EBF3: variants seen among roughly 807,000 people sequenced by gnomAD.
EBF3 encodes EBF transcription factor 3, also known as transcription factor COE3.
A neutral mutation model predicts 77.1 loss-of-function variants in EBF3; 18 were observed. That is an observed-to-expected ratio of 0.23 (90% CI 0.16 to 0.35). The LOEUF is 0.35. EBF3 is among the 10% of genes least tolerant of loss of function. The pLI is 1.00. For missense variants in EBF3, 558 were observed against 860.0 expected, an observed-to-expected ratio of 0.65 and a Z score of 4.39; for synonymous variants, 350 against 343.5, an observed-to-expected ratio of 1.02 and a Z score of -0.21.
intron 7 of EBF3, among the ~76,000 whole-genome samples, chr10:129,877,443 T>TG (rs1341475392): frequency 7.5e-6 from 1 of 133,994 alleles, no homozygotes; most frequent in Non-Finnish European, 1.5e-5. Flanking sequence ...ATCGCACCAC[T>TG]GCACTCTAGC....
Position 129,843,854 on chromosome 10 carries a change from G to C in EBF3, c.1129-652C>G, listed in dbSNP as rs568743900. Among the ~76,000 whole-genome samples, 2 of 152,184 alleles carry C rather than the reference G, an allele frequency of 1.3e-5. 1 individual carries two copies. The highest frequency in any genetic ancestry group is 4.1e-4 in the South Asian group (2 of 4,828). On this transcript the variant is annotated intron_variant, in intron 11 of 16. Coordinates refer to ENST00000440978, the MANE Select transcript of EBF3 (RefSeq NM_001375380.1). Reference sequence around the variant, plus strand: ...GACTTCATAAATGCCTTCACATTCCGAGAGTGTGCGCGCTGTGCCTGGGGG... The same window carrying C: ...GACTTCATAAATGCCTTCACATTCCCAGAGTGTGCGCGCTGTGCCTGGGGG...
chr10:129,881,578 AT>A (rs1853215133), intron 6 of EBF3, among the ~76,000 whole-genome samples: 3 of 152,166 alleles, frequency 2.0e-5, no homozygotes, highest in African/African-American at 7.2e-5. Context: ...GTGTGATCTT[AT>A]TACTTTTGAA....
intron 10 of EBF3, among the ~76,000 whole-genome samples, chr10:129,852,669 T>C (rs1850974412): frequency 6.6e-6 from 1 of 152,182 alleles, no homozygotes; most frequent in Non-Finnish European, 1.5e-5. Context: ...TCAATTAAAT[T>C]AAGCAAGGGG....
intron 6 of EBF3, among the ~76,000 whole-genome samples, chr10:129,924,430 C>CAAAAAAAAAAAA (rs956215243): frequency 3.7e-5 from 4 of 108,446 alleles, no homozygotes; most frequent in African/African-American, 7.1e-5. Flanking sequence ...ACAACAACAA[C>CAAAAAAAAAAAA]AAAAAAAAAA....
At chr10:129,929,363 A>G (rs1415399630) in intron 6 of EBF3, among the ~76,000 whole-genome samples, 1 of 151,614 alleles carries the variant, frequency 6.6e-6, no homozygotes, top group South Asian at 2.1e-4. Flanking sequence ...TGCCACCCAC[A>G]CCCAGGTAAT....
Position 129,912,234 on chromosome 10 carries a change from G to C in EBF3, c.555-34385C>G, listed in dbSNP as rs146929986. Among the ~76,000 whole-genome samples the C allele has an allele frequency of 4.9e-4, 75 of 152,240 alleles. 1 individual carries two copies. In the East Asian group the frequency reaches 0.013, roughly 26 times the overall value. On this transcript the variant is annotated intron_variant, in intron 6 of 16. Coordinates refer to ENST00000440978, the MANE Select transcript of EBF3 (RefSeq NM_001375380.1). ...AGAGGGAGAGGCAAGCTGGACCCCG[G>C]AACCCTAGGAAGGGCCCTGCGGCTC...
In EBF3 at chr10:129,964,123, C is replaced by T. The variant is rs1438787410; in HGVS notation, c.-355G>A. The T allele has an allele frequency of 1.3e-5, 13 of 984,960 alleles. No homozygotes were observed. The highest frequency in any genetic ancestry group is 1.6e-5 in the Non-Finnish European group (13 of 829,828). The allele number at this position is 984,960 out of a possible 1,614,324, so 61.0% of individuals were successfully genotyped here. A position where few individuals can be genotyped will look rare whatever the true frequency, so the allele number is the denominator to read the frequency against. On this transcript the variant is annotated 5_prime_UTR_variant, in exon 1 of 17. Coordinates refer to ENST00000440978, the MANE Select transcript of EBF3 (RefSeq NM_001375380.1). This position sits in a 1 kb window ranked among gnomAD's most constrained non-coding sequence, Gnocchi z 4.5. ...CTGCAGGACACTGCGGGATCGCCCG[C>T]TTCTGGCGCGGCCCGCCTGCTCCAA...
At chr10:129,873,735 G>GA in intron 7 of EBF3, 139 bp from the exon 8 acceptor site, 1 of 940,218 alleles carries the variant, frequency 1.1e-6, no homozygotes, top group Non-Finnish European at 1.4e-6. Flanking sequence ...ATCGATGTGC[G>GA]TTCACAGCTT....
rs903157678 is a variant in EBF3 at position 129,842,466 on chromosome 10, A to C, written c.1195-173T>G. 8.5e-5 allele frequency among the ~76,000 whole-genome samples: 13 copies of C among 152,150 alleles called. No homozygotes were observed. The highest frequency in any genetic ancestry group is 3.1e-4 in the African/African-American group (13 of 41,446). ...AGAAAATCATTTACTGACGCTTTTG[A>C]AAGTGTGCAATATCTGGCTGGGCAC... On this transcript the variant is annotated intron_variant, in intron 12 of 16. Transcript: ENST00000440978. This position sits in a 1 kb window ranked among gnomAD's most constrained non-coding sequence, Gnocchi z 4.4.
At chr10:129,839,992 T>G (rs1005229487) in intron 15 of EBF3, among the ~76,000 whole-genome samples, 5 of 152,214 alleles carry the variant, frequency 3.3e-5, no homozygotes, top group Admixed American at 1.3e-4. Context: ...TGCTCCACCG[T>G]AAGTACACTA....
At chr10:129,940,362 A>G (rs931514839) in intron 6 of EBF3, among the ~76,000 whole-genome samples, 6 of 152,158 alleles carry the variant, frequency 3.9e-5, no homozygotes, top group African/African-American at 1.2e-4. Context: ...AGCCCTCTCA[A>G]TGTGAGCCCC....
intron 11 of EBF3, among the ~76,000 whole-genome samples, chr10:129,846,348 G>A (rs966921371): frequency 4.6e-5 from 7 of 151,688 alleles, no homozygotes; most frequent in South Asian, 2.1e-4. Flanking sequence ...CGTGCATTAC[G>A]GAGCTTCAAA....
intron 11 of EBF3, among the ~76,000 whole-genome samples, chr10:129,846,168 C>T (rs1323276523): frequency 1.4e-5 from 2 of 143,226 alleles, no homozygotes; most frequent in Non-Finnish European, 3.0e-5. Flanking sequence ...CCTATTTATG[C>T]CACTCCCACA....
At chr10:129,882,107 C>G (rs1853252133) in intron 6 of EBF3, among the ~76,000 whole-genome samples, 1 of 152,256 alleles carries the variant, frequency 6.6e-6, no homozygotes, top group African/African-American at 2.4e-5. Flanking sequence ...AAAGTCTGCT[C>G]TATTTCTGTG....
intron 6 of EBF3, among the ~76,000 whole-genome samples, chr10:129,923,256 A>G (rs1433152206): frequency 6.6e-6 from 1 of 152,216 alleles, no homozygotes; most frequent in Non-Finnish European, 1.5e-5. Flanking sequence ...TGCAATAGAA[A>G]AAGTGTGATG....
rs527578456 is a variant in EBF3 at position 129,923,719 on chromosome 10, C to T, written c.554+33539G>A. On this transcript the variant is annotated intron_variant, in intron 6 of 16. Transcript: ENST00000440978. Reference sequence around the variant, plus strand: ...AAAAGAAAACAGAGGGCAAAGATGTCGCAACATTGGATTTGATTTCTTGGC... The same window carrying T: ...AAAAGAAAACAGAGGGCAAAGATGTTGCAACATTGGATTTGATTTCTTGGC... 5.3e-5 allele frequency among the ~76,000 whole-genome samples: 8 copies of T among 152,108 alleles called. No individual in the cohort carries two copies. The South Asian group carries it at 1.0e-3, about 20-fold the overall frequency.
chr10:129,842,853 G>A lies in EBF3; in HGVS notation c.1194+284C>T, dbSNP rs1187300062. Among the ~76,000 whole-genome samples, 1 of 151,586 alleles carries A rather than the reference G, an allele frequency of 6.6e-6. No individual in the cohort carries two copies. Among genetic ancestry groups the A allele is most frequent in the African/African-American group, 2.4e-5 (1 of 41,232 alleles). Reference sequence around the variant, plus strand: ...ATCCAGCCCTCCCTGGTTCCCAGCGGCACCAACACCGTCCACCCGCCACTG... The same window carrying A: ...ATCCAGCCCTCCCTGGTTCCCAGCGACACCAACACCGTCCACCCGCCACTG... On this transcript the variant is annotated intron_variant, in intron 12 of 16. Transcript: ENST00000440978. This position sits in a 1 kb window ranked among gnomAD's most constrained non-coding sequence, Gnocchi z 4.4.
rs1850024255 is a variant in EBF3 at position 129,841,143 on chromosome 10, G to A, written c.1373-111C>T. On this transcript the variant is annotated intron_variant, in intron 13 of 16. Transcript: ENST00000440978. The surrounding 1 kb of genome is among the most constrained non-coding windows in gnomAD (Gnocchi z 4.6). Reference sequence around the variant, plus strand: ...TATTAACATTGCTAATTGACCCTGTGCTTTCCACCTGCTCTAGCGCCTGCT... The same window carrying A: ...TATTAACATTGCTAATTGACCCTGTACTTTCCACCTGCTCTAGCGCCTGCT... 2 of 1,394,720 alleles carry A rather than the reference G, an allele frequency of 1.4e-6. No homozygotes were observed. The highest frequency in any genetic ancestry group is 1.9e-6 in the Non-Finnish European group (2 of 1,037,174). The allele number at this position is 1,394,720 out of a possible 1,614,324, so 86.4% of individuals were successfully genotyped here. A position where few individuals can be genotyped will look rare whatever the true frequency, so the allele number is the denominator to read the frequency against.
intron 6 of EBF3, among the ~76,000 whole-genome samples, chr10:129,889,379 G>C (rs1219362077): frequency 6.6e-6 from 1 of 152,230 alleles, no homozygotes; most frequent in Non-Finnish European, 1.5e-5. Context: ...GCCAGGGTGG[G>C]CGGGCAGCCT....
Sources: allele counts gnomAD v4.1 joint callset (sites outside exome capture counted in the v4.1 genomes callset), GRCh38; gene constraint gnomAD v4.1.1; non-coding constraint Gnocchi (gnomAD v3.1); transcripts MANE v1.5; gene names NCBI Gene and HGNC (gene_info 2026-07-23, HGNC 2026-07-21).